The following TACC3 variants were observed in gnomAD, a reference collection of about 807,000 sequenced individuals.
The protein encoded by TACC3 is transforming acidic coiled-coil-containing protein 3.
In TACC3, 52 loss-of-function variants were observed where a neutral mutation model predicts 86.0. The observed-to-expected ratio is 0.60, with a 90% CI of 0.48 to 0.76. TACC3 has a LOEUF of 0.76. TACC3 is among the 30% of genes least tolerant of loss of function. The pLI is 0.00. For missense variants in TACC3, 1,120 were observed against 1,070.4 expected (o/e 1.05, Z -0.65); for synonymous variants, 512 against 430.0 (o/e 1.19, Z -2.36).
At chr4:1,737,977 C>G in intron 10 of TACC3, 1 of 535,614 alleles carries the variant, frequency 1.9e-6, no homozygotes, top group Non-Finnish European at 3.6e-6. Flanking sequence ...CCTCTGGTGG[C>G]CTTGCAGCAG....
At chr4:1,732,780 G>C (rs1369659169) in intron 6 of TACC3, among the ~76,000 whole-genome samples, 1 of 152,208 alleles carries the variant, frequency 6.6e-6, no homozygotes, top group African/African-American at 2.4e-5. Context: ...GGCCATGCTG[G>C]AGCAGGTGTG....
chr4:1,733,615 A>G (rs1310383955), intron 6 of TACC3, among the ~76,000 whole-genome samples: 2 of 152,166 alleles, frequency 1.3e-5, no homozygotes, highest in African/African-American at 2.4e-5. Flanking sequence ...CCATGATTGC[A>G]CTACTGCACT....
chr4:1,744,287 C>G (rs907228414), intron 13 of TACC3, among the ~76,000 whole-genome samples: 3 of 152,244 alleles, frequency 2.0e-5, no homozygotes, highest in African/African-American at 7.2e-5. Context: ...CGTGAGGGCA[C>G]CAGGTTCAGG....
rs779239178 is a variant in TACC3, at chr4:1,728,614, C to T, written c.1212C>T (p.His404=). The T allele has an allele frequency of 5.0e-6, 8 of 1,613,950 alleles. No homozygotes were observed. In the South Asian group the frequency reaches 8.8e-5, roughly 18 times the overall value. ...PPMPASRGSY[H]LDWDKMDDPN... Reference sequence around the variant, plus strand: ...TGCCAGCTTCTCGGGGCTCTTACCACCTCGACTGGGACAAAATGGATGACC... The same window carrying T: ...TGCCAGCTTCTCGGGGCTCTTACCATCTCGACTGGGACAAAATGGATGACC... Residue 404 remains histidine (H), a synonymous_variant, in exon 4 of 16, where the codon CAC becomes CAT. Transcript: ENST00000313288.
chr4:1,736,288 C>T (rs370289112), intron 8 of TACC3, among the ~76,000 whole-genome samples: 5 of 151,822 alleles, frequency 3.3e-5, no homozygotes, highest in East Asian at 2.0e-4. Flanking sequence ...CCGGGTGTGA[C>T]GGCATGCACC....
chr4:1,739,665 G>A lies in TACC3; in HGVS notation c.1942-37G>A, dbSNP rs1478140952. 8 of 1,551,766 alleles carry A rather than the reference G, an allele frequency of 5.2e-6. No homozygotes were observed. In the Admixed American group the frequency reaches 1.2e-4, roughly 23 times the overall value. The stretch of plus-strand genomic sequence containing the variant: ...GGGAGGTCCTGGGAGGGTCAGTCTG[G>A]CCCGCCTGCCTGCTGACTTGGGTGT... On this transcript the variant is annotated intron_variant, in intron 10 of 15. Transcript: ENST00000313288.
intron 1 of TACC3, chr4:1,721,911 C>A (rs1717395643): frequency 6.6e-6 from 1 of 152,226 alleles, no homozygotes; most frequent in South Asian, 2.1e-4. Context: ...GAGCGGGCGC[C>A]CCGAGGTGCT....
chr4:1,731,207 C>G lies in TACC3; in HGVS notation c.1497C>G (p.Pro499=), dbSNP rs1277202873. 1 of 1,613,276 alleles carries G rather than the reference C, an allele frequency of 6.2e-7. No homozygotes were observed. The highest frequency in any genetic ancestry group is 1.1e-5 in the South Asian group (1 of 91,086). The stretch of plus-strand genomic sequence containing the variant: ...TGAACTCTGCCAGCACCTCGCTTCC[C>G]ACAAGCTGTCCAGGCAGTGAGCCAG... ...RALNSASTSL[P]TSCPGSEPVP... Residue 499 remains proline, a synonymous_variant, in exon 6 of 16, where the codon CCC becomes CCG. Transcript: ENST00000313288.
chr4:1,731,291 C>A lies in TACC3; in HGVS notation c.1581C>A (p.Asp527Glu), dbSNP rs769706557. 6.2e-6 allele frequency: 10 copies of A among 1,613,080 alleles called. No homozygotes were observed. In the Admixed American group the frequency reaches 6.7e-5, roughly 11 times the overall value. Reference sequence around the variant, plus strand: ...AGCTGAAAGAGGAGAGCTTCAGAGACCCCGCTGAGGGTACGTTGCCTGGCA... The same window carrying A: ...AGCTGAAAGAGGAGAGCTTCAGAGAACCCGCTGAGGGTACGTTGCCTGGCA... ...ALELKEESFR[D>E]PAEVLGTGAE... Residue 527 changes from aspartate (D) to glutamate (E), a missense_variant, in exon 6 of 16, where the codon GAC becomes GAA. Asp to Glu is a conservative substitution (Grantham distance 45). Coordinates refer to ENST00000313288, the MANE Select transcript of TACC3 (RefSeq NM_006342.3).
rs557207266 is a variant in TACC3 at position 1,730,736 on chromosome 4, G to A, written c.1386-151G>A. On this transcript the variant is annotated intron_variant, in intron 4 of 15. Coordinates refer to ENST00000313288, the MANE Select transcript of TACC3 (RefSeq NM_006342.3). ...AGGCAGTTTTGTGGCCAGGTCGCTT[G>A]GGACAGCCCCATGCCTGGCACGCTC... is the stretch of plus-strand genomic sequence containing the variant. 21 of 921,542 alleles carry A rather than the reference G, an allele frequency of 2.3e-5. No individual in the cohort carries two copies. The East Asian group carries it at 4.5e-4, about 20-fold the overall frequency. 57.1% of individuals were successfully genotyped at this position (921,542 alleles called of 1,614,324 possible). A position where few individuals can be genotyped will look rare whatever the true frequency, so the allele number is the denominator to read the frequency against.
At chr4:1,738,048 A>G in intron 10 of TACC3, 1 of 382,106 alleles carries the variant, frequency 2.6e-6, no homozygotes, top group South Asian at 2.0e-5. Flanking sequence ...CCCTCCCACG[A>G]GTCCAGACGC....
chr4:1,728,153 C>A lies in TACC3; in HGVS notation c.751C>A (p.Pro251Thr), dbSNP rs369399901. ...TGCTCCCGCAGCAGTGGCCACTTCG[C>A]CTCCTGGTGCAATCCCTAAGGAAGC... Reference protein sequence around the residue: ...VCAPAAVATSPPGAIPKEACG... With the variant: ...VCAPAAVATSTPGAIPKEACG... The change falls in exon 4 of 16, where the codon CCT (proline) becomes ACT (threonine). Residue 251 changes from proline (P) to threonine (T), a missense_variant. Physicochemically the swap from Pro to Thr is conservative, Grantham distance 38. Transcript: ENST00000313288. The A allele has an allele frequency of 1.9e-5, 30 of 1,611,552 alleles. No individual in the cohort carries two copies. In the African/African-American group the frequency reaches 3.9e-4, roughly 21 times the overall value.
chr4:1,723,585 T>C lies in TACC3; in HGVS notation c.162+2T>C, dbSNP rs1316959742. 2.2e-5 allele frequency: 35 copies of C among 1,612,852 alleles called. No individual in the cohort carries two copies. The highest frequency in any genetic ancestry group is 3.0e-5 in the Non-Finnish European group (35 of 1,179,472). On this transcript the variant is annotated splice_donor_variant, in intron 2 of 15. Transcript: ENST00000313288. LOFTEE classifies it high-confidence loss of function. ...AAGAACCTGGCCAAAGCTATGAAGG[T>C]AAGTGTGACCTGTACAGTGTGTGGC...
chr4:1,737,775 G>T (rs1039536943), intron 10 of TACC3, 73 bp downstream of exon 10: 6 of 1,368,968 alleles, frequency 4.4e-6, no homozygotes, highest in Non-Finnish European at 6.1e-6. Context: ...GTGGGCAGGG[G>T]TCCAACAGCC....
At chr4:1,730,263 A>G (rs1354605021) in intron 4 of TACC3, 1 of 183,756 alleles carries the variant, frequency 5.4e-6, no homozygotes, top group African/African-American at 2.4e-5. Context: ...GATGGTCTAG[A>G]TATGACCTCG....
rs61735095 is a variant in TACC3 at position 1,728,024 on chromosome 4, A to G, written c.622A>G (p.Thr208Ala). The change falls in exon 4 of 16, where the codon ACA (threonine) becomes GCA (alanine). Residue 208 changes from threonine (T) to alanine (A), a missense_variant. Physicochemically the swap from Thr to Ala is moderately conservative, Grantham distance 58 (BLOSUM62 0). Coordinates refer to ENST00000313288, the MANE Select transcript of TACC3 (RefSeq NM_006342.3). ...ASETLEDPCR[T>A]ESQHKAETPH... ...TGAGACCCTAGAAGACCCTTGCAGGACAGAGTCCCAGCACAAAGCGGAGAC... is the reference window on the plus strand; with the variant it reads ...TGAGACCCTAGAAGACCCTTGCAGGGCAGAGTCCCAGCACAAAGCGGAGAC... The G allele has an allele frequency of 6.8e-6, 11 of 1,613,116 alleles. No individual in the cohort carries two copies. In the African/African-American group the frequency reaches 1.5e-4, roughly 21 times the overall value.
chr4:1,739,428 G>C (rs1054234085), intron 10 of TACC3: 1 of 526,980 alleles, frequency 1.9e-6, no homozygotes, highest in Non-Finnish European at 3.4e-6. Flanking sequence ...GGGGGCAGCT[G>C]CAGGGACACA....
rs753164376 is a variant in TACC3 at position 1,735,266 on chromosome 4, C to T, written c.1592-7C>T. 1.2e-6 allele frequency: 2 copies of T among 1,613,868 alleles called. No individual in the cohort carries two copies. The highest frequency in any genetic ancestry group is 1.7e-6 in the Non-Finnish European group (2 of 1,180,044). ...GCGATGGCGGCGGCATGATTCACTC[C>T]TCTCAGTTCTAGGCACGGGCGCGGA... On this transcript the variant is annotated splice_region_variant and splice_polypyrimidine_tract_variant and intron_variant, in intron 6 of 15. Coordinates refer to ENST00000313288, the MANE Select transcript of TACC3 (RefSeq NM_006342.3). This position sits in a 1 kb window ranked among gnomAD's most constrained non-coding sequence, Gnocchi z 4.2.
chr4:1,727,502 G>A (rs755514748), intron 3 of TACC3, among the ~76,000 whole-genome samples: 18 of 152,190 alleles, frequency 1.2e-4, no homozygotes, highest in Non-Finnish European at 2.6e-4. Context: ...GTGTCCAGCC[G>A]TTCCACCGGG....
Sources: gnomAD v4.1 joint callset for allele counts (sites outside exome capture counted in the v4.1 genomes callset) on GRCh38, gnomAD v4.1.1 for gene constraint, Gnocchi (gnomAD v3.1) non-coding constraint, MANE v1.5 for transcripts, NCBI Gene and HGNC (gene_info 2026-07-23, HGNC 2026-07-21) for gene names.